Variants in MANBA observed in about 807,000 individuals in gnomAD.
MANBA encodes beta-mannosidase.
In MANBA, 83 loss-of-function variants were observed where a neutral mutation model predicts 111.1. The ratio of observed to expected loss-of-function variants is 0.75; its 90% confidence interval spans 0.63 to 0.90. MANBA has a LOEUF of 0.90. MANBA is among the 40% of genes least tolerant of loss of function. The probability of loss-of-function intolerance (pLI) is 0.00; values close to 1 mark genes in which losing one functional copy is unlikely to be tolerated. For synonymous variants in MANBA, 370 were observed against 378.7 expected (o/e 0.98, Z 0.27); for missense variants, 1,036 against 1,069.0 (o/e 0.97, Z 0.43).
intron 7 of MANBA, among the ~76,000 whole-genome samples, chr4:102,674,897 GTGAA>G (rs1161237797): frequency 6.6e-6 from 1 of 152,198 alleles, no homozygotes; most frequent in Non-Finnish European, 1.5e-5. Context: ...TAAAAAATCA[GTGAA>G]TGAATTAGTC....
rs749130611 is a variant in MANBA at position 102,657,741 on chromosome 4, C to T, written c.1645G>A (p.Ala549Thr). The change falls in exon 12 of 17, where the codon GCT becomes ACT. Residue 549 changes from alanine to threonine, a missense_variant. Physicochemically the swap from Ala to Thr is moderately conservative, Grantham distance 58. Transcript: ENST00000647097. ...DCWNWKVFPKARFASEYGYQS... is the reference protein window; with the variant it reads ...DCWNWKVFPKTRFASEYGYQS... ...TATCCATATTCAGATGCAAATCGAGCTTTTGGGAAAACTTTCCAGTTCCAG... is the reference window on the plus strand; with the variant it reads ...TATCCATATTCAGATGCAAATCGAGTTTTTGGGAAAACTTTCCAGTTCCAG... 1.3e-5 allele frequency: 21 copies of T among 1,613,918 alleles called. No individual in the cohort carries two copies. Among genetic ancestry groups the T allele is most frequent in the Non-Finnish European group, 1.7e-6 (2 of 1,179,856 alleles).
chr4:102,673,959 T>C lies in MANBA; in HGVS notation c.1072A>G (p.Ile358Val), dbSNP rs199966543. ...CGGTCCTGGAATGAATCTGCTGGGA[T>C]CCAGTTTGAGCCTTTTAGAAATATG... ...FPIFLKGSNW[I>V]PADSFQDRVT... The change falls in exon 8 of 17, where the codon ATC becomes GTC. Residue 358 changes from isoleucine (I) to valine (V), a missense_variant. By Grantham distance (29) the Ile-to-Val change is conservative. Coordinates refer to ENST00000647097, the MANE Select transcript of MANBA (RefSeq NM_005908.4). 6.8e-6 allele frequency: 11 copies of C among 1,611,684 alleles called. No individual in the cohort carries two copies. In the Admixed American group the frequency reaches 1.8e-4, roughly 27 times the overall value.
chr4:102,747,584 T>C (rs1723636133), intron 1 of MANBA, among the ~76,000 whole-genome samples: 1 of 152,242 alleles, frequency 6.6e-6, no homozygotes, highest in Admixed American at 6.5e-5. Flanking sequence ...ATTCAGAAGC[T>C]ATAGTCTCCA....
chr4:102,724,869 A>T (rs1722734224), intron 2 of MANBA, among the ~76,000 whole-genome samples: 1 of 152,278 alleles, frequency 6.6e-6, no homozygotes, highest in African/African-American at 2.4e-5. Flanking sequence ...TGTTGTATTC[A>T]TACAATAAAA....
At chr4:102,749,526 A>G (rs946204284) in intron 1 of MANBA, among the ~76,000 whole-genome samples, 7 of 152,370 alleles carry the variant, frequency 4.6e-5, no homozygotes, top group Admixed American at 4.6e-4. Flanking sequence ...TTTTCATCAG[A>G]CACATTTAAA....
At chr4:102,731,300 G>A (rs1036046466) in intron 1 of MANBA, among the ~76,000 whole-genome samples, 2 of 152,110 alleles carry the variant, frequency 1.3e-5, no homozygotes, top group African/African-American at 4.8e-5. Flanking sequence ...TCATTGCCCT[G>A]TGGTTCTCAC....
At chr4:102,729,765 A>C (rs1163949760) in intron 1 of MANBA, 2 of 1,246,698 alleles carry the variant, frequency 1.6e-6, no homozygotes, top group Admixed American at 1.7e-5. Flanking sequence ...CATGTTGTCC[A>C]TGTTGCTCTG....
intron 1 of MANBA, chr4:102,734,573 T>C (rs899808165): frequency 1.0e-5 from 16 of 1,607,746 alleles, no homozygotes; most frequent in Admixed American, 1.7e-5. Context: ...CTGTTCCTTC[T>C]GTGAACAAGA....
chr4:102,689,358 AAATATAT>A (rs1351649477), intron 7 of MANBA, among the ~76,000 whole-genome samples: 4 of 90,988 alleles, frequency 4.4e-5, no homozygotes, highest in African/African-American at 1.7e-4. Flanking sequence ...CAAAAAAAAA[AAATATAT>A]ATATATATAT....
intron 1 of MANBA, chr4:102,730,133 G>A: frequency 8.3e-7 from 1 of 1,207,218 alleles, no homozygotes; most frequent in Non-Finnish European, 1.1e-6. Flanking sequence ...GCCCAGAGGT[G>A]GACACCTTGT....
intron 12 of MANBA, among the ~76,000 whole-genome samples, chr4:102,656,891 G>T (rs1730579606): frequency 6.6e-6 from 1 of 152,136 alleles, no homozygotes; most frequent in South Asian, 2.1e-4. Flanking sequence ...GACACAGAAA[G>T]TAGATTCGTA....
chr4:102,657,611 C>A (rs948127023), intron 12 of MANBA, 71 bp downstream of exon 12: 1 of 1,211,376 alleles, frequency 8.3e-7, no homozygotes. Context: ...ATTTTCTGAA[C>A]CAGTGATCAG....
intron 7 of MANBA, among the ~76,000 whole-genome samples, chr4:102,676,956 G>C (rs1414327460): frequency 6.6e-6 from 1 of 152,114 alleles, no homozygotes; most frequent in Non-Finnish European, 1.5e-5. Context: ...GACTGTCCTT[G>C]ATAAAGCAGT....
intron 7 of MANBA, among the ~76,000 whole-genome samples, chr4:102,687,093 C>T (rs1732250909): frequency 6.6e-6 from 1 of 152,068 alleles, no homozygotes; most frequent in Non-Finnish European, 1.5e-5. Flanking sequence ...ACAGAGTTGC[C>T]CTGCCTGTTC....
In MANBA at chr4:102,752,378, T is replaced by C. The variant is rs999510873; in HGVS notation, c.177+8340A>G. 2.7e-5 allele frequency: 33 copies of C among 1,243,086 alleles called. No homozygotes were observed. The African/African-American group carries it at 3.7e-4, about 14-fold the overall frequency. 77.0% of individuals were successfully genotyped at this position (1,243,086 alleles called of 1,614,324 possible). Reference sequence around the variant, plus strand: ...GATCCCCGAACTAAAGACCATTCTTTGGTGTCACTGTCCCTAACTTCAAAT... The same window carrying C: ...GATCCCCGAACTAAAGACCATTCTTCGGTGTCACTGTCCCTAACTTCAAAT... On this transcript the variant is annotated intron_variant, in intron 1 of 16. Transcript: ENST00000647097.
rs1410758223 is a variant in MANBA at position 102,650,948 on chromosome 4, T to A, written c.1705-247A>T. The A allele has an allele frequency of 2.7e-5, 12 of 448,728 alleles. No individual in the cohort carries two copies. In the Admixed American group the frequency reaches 4.0e-4, roughly 15 times the overall value. The allele number at this position is 448,728 out of a possible 1,614,324, so 27.8% of individuals were successfully genotyped here. ...CCTCCCTTCCTCCAACTAAGAAAGT[T>A]ATATTTTGATGTTTCTCTTAAGACT... On this transcript the variant is annotated intron_variant, in intron 12 of 16. Transcript: ENST00000647097.
rs1340129591 is a variant in MANBA at position 102,760,698 on chromosome 4, G to A, written c.177+20C>T. On this transcript the variant is annotated intron_variant, in intron 1 of 16. Coordinates refer to ENST00000647097, the MANE Select transcript of MANBA (RefSeq NM_005908.4). ...AAGAAGGCGGGCGCAGGCTCGCCGC[G>A]GGTCGGCCGCACGCCATACCTGGAT... is the stretch of plus-strand genomic sequence containing the variant. The A allele has an allele frequency of 6.6e-6, 10 of 1,515,268 alleles. No individual in the cohort carries two copies. Among genetic ancestry groups the A allele is most frequent in the Non-Finnish European group, 8.0e-6 (9 of 1,125,140 alleles). 93.9% of individuals were successfully genotyped at this position (1,515,268 alleles called of 1,614,324 possible).
chr4:102,656,660 A>G (rs1341902690), intron 12 of MANBA, among the ~76,000 whole-genome samples: 3 of 152,242 alleles, frequency 2.0e-5, no homozygotes, highest in Non-Finnish European at 4.4e-5. Context: ...CATAATAGCC[A>G]AACAGAGGAA....
At chr4:102,710,202 A>C (rs1188913540) in intron 5 of MANBA, among the ~76,000 whole-genome samples, 1 of 152,164 alleles carries the variant, frequency 6.6e-6, no homozygotes, top group African/African-American at 2.4e-5. Flanking sequence ...ACCAAATTGG[A>C]AAAGAGGAAG....
Sources: gnomAD v4.1 joint callset for allele counts (sites outside exome capture counted in the v4.1 genomes callset) on GRCh38, gnomAD v4.1.1 for gene constraint, MANE v1.5 for transcripts, NCBI Gene and HGNC (gene_info 2026-07-23, HGNC 2026-07-21) for gene names.